Variants in EFHB observed in about 807,000 individuals in gnomAD.
EFHB encodes EF-hand domain-containing family member B.
In EFHB, 91 loss-of-function variants were observed where a neutral mutation model predicts 87.2. That is an observed-to-expected ratio of 1.04 (90% CI 0.88 to 1.24). The LOEUF is 1.24. EFHB is among the 50% of genes most tolerant of loss of function. The pLI, the probability that EFHB is intolerant of heterozygous loss-of-function variation, is 0.00. For synonymous variants in EFHB, 325 were observed against 333.6 expected (o/e 0.97, Z 0.28); for missense variants, 1,084 against 998.8 (o/e 1.09, Z -1.15).
chr3:19,939,368 TCC>T (rs1696096759), intron 1 of EFHB, among the ~76,000 whole-genome samples: 2 of 119,454 alleles, frequency 1.7e-5, no homozygotes, highest in African/African-American at 6.5e-5. Flanking sequence ...GGGTTGGGTC[TCC>T]TTTTTTTTTT....
At chr3:19,887,949 G>C (rs1694162697) in intron 10 of EFHB, among the ~76,000 whole-genome samples, 1 of 152,048 alleles carries the variant, frequency 6.6e-6, no homozygotes, top group African/African-American at 2.4e-5. Flanking sequence ...TAAGTTTTGT[G>C]CTTTTAATTT....
Position 19,946,719 on chromosome 3 carries a change from G to A in EFHB, c.-32+200C>T, listed in dbSNP as rs968304738. Among the ~76,000 whole-genome samples, 6 of 152,276 alleles carry A rather than the reference G, an allele frequency of 3.9e-5. No homozygotes were observed. In the South Asian group the frequency reaches 1.2e-3, roughly 32 times the overall value. On this transcript the variant is annotated intron_variant, in intron 1 of 14. Coordinates refer to the EFHB transcript ENST00000344838. ...AAGTTCCCTCTAATAAAGCCCCTTA[G>A]CCGAGATGCCAGGATTGGGGTTAGG...
chr3:19,888,525 T>C lies in EFHB; in HGVS notation c.1852A>G (p.Asn618Asp), dbSNP rs1415575237. 1 of 1,584,704 alleles carries C rather than the reference T, an allele frequency of 6.3e-7. No individual in the cohort carries two copies. Among genetic ancestry groups the C allele is most frequent in the South Asian group, 1.2e-5 (1 of 86,858 alleles). ...YCDVDNDGFI[N>D]YLEFANFLNW... ...AGAAAATTTGCGAATTCCAGATAGT[T>C]AATGAAGCCATCATTATCCACATCA... The change falls in exon 10 of 13, where the codon AAC becomes GAC. Residue 618 changes from asparagine (N) to aspartate (D), a missense_variant. Coordinates refer to ENST00000295824, the MANE Select transcript of EFHB (RefSeq NM_144715.4).
intron 1 of EFHB, among the ~76,000 whole-genome samples, chr3:19,942,656 C>A (rs1386047285): frequency 6.6e-6 from 1 of 152,160 alleles, no homozygotes; most frequent in Non-Finnish European, 1.5e-5. Context: ...ACTTGTTTTC[C>A]TGCCACTAGA....
At chr3:19,916,722 T>C (rs1695246815) in intron 4 of EFHB, among the ~76,000 whole-genome samples, 1 of 152,176 alleles carries the variant, frequency 6.6e-6, no homozygotes, top group Non-Finnish European at 1.5e-5. Context: ...TTTACTGTTT[T>C]AGATAATAAT....
At chr3:19,913,488 C>G (rs115655959) in intron 5 of EFHB, among the ~76,000 whole-genome samples, 13 of 152,056 alleles carry the variant, frequency 8.5e-5, no homozygotes, top group African/African-American at 3.1e-4. Flanking sequence ...TAGGAATTAA[C>G]TTAATCAAAG....
intron 4 of EFHB, among the ~76,000 whole-genome samples, chr3:19,916,658 C>A (rs541466991): frequency 1.3e-5 from 2 of 152,276 alleles, no homozygotes; most frequent in East Asian, 3.9e-4. Context: ...TGTTTAATAG[C>A]TGCATTCCCA....
At position 19,940,733 on chromosome 3, in the gene EFHB, A is replaced by G. The variant is rs9838931; in HGVS notation, c.-31-4399T>C. 3,163 of 337,188 alleles carry G rather than the reference A, an allele frequency of 9.4e-3. 88 individuals are homozygous for G. The highest frequency in any genetic ancestry group is 0.062 in the African/African-American group (2,863 of 46,226). 20.9% of individuals were successfully genotyped at this position (337,188 alleles called of 1,614,324 possible). On this transcript the variant is annotated intron_variant, in intron 1 of 14. Transcript: ENST00000344838. ...GCACAGCAGAGACACTGAAGATGCC[A>G]TTGGCATCAATATCAAATGTGACTT... is the stretch of plus-strand genomic sequence containing the variant.
At chr3:19,942,534 G>A (rs540526110) in intron 1 of EFHB, 1 of 152,120 alleles carries the variant, frequency 6.6e-6, no homozygotes, top group Admixed American at 6.6e-5. Context: ...GATAGTTTTA[G>A]GACAATTCAA....
chr3:19,893,199 C>T (rs1029746805), intron 9 of EFHB, among the ~76,000 whole-genome samples: 1 of 152,096 alleles, frequency 6.6e-6, no homozygotes, highest in Non-Finnish European at 1.5e-5. Context: ...GATTGGCCTC[C>T]CAAAGTGTTC....
intron 4 of EFHB, among the ~76,000 whole-genome samples, chr3:19,915,908 G>A (rs1369596543): frequency 6.6e-6 from 1 of 152,142 alleles, no homozygotes; most frequent in African/African-American, 2.4e-5. Flanking sequence ...AATCCGGGAG[G>A]TGGAGGTTGC....
chr3:19,902,367 T>C (rs1694701155), intron 6 of EFHB, among the ~76,000 whole-genome samples: 1 of 152,122 alleles, frequency 6.6e-6, no homozygotes, highest in Non-Finnish European at 1.5e-5. Context: ...TTTGTTTTTG[T>C]TTTTTGAGAC....
chr3:19,893,769 A>G (rs1694384431), intron 9 of EFHB, among the ~76,000 whole-genome samples: 2 of 152,198 alleles, frequency 1.3e-5, no homozygotes, highest in Admixed American at 6.5e-5. Flanking sequence ...ATTTGCAGTC[A>G]TTCCACAAGG....
intron 1 of EFHB, among the ~76,000 whole-genome samples, chr3:19,927,743 C>G (rs970955854): frequency 3.3e-5 from 5 of 152,096 alleles, no homozygotes; most frequent in African/African-American, 1.2e-4. Flanking sequence ...ATGCTTGACA[C>G]TGGGTTTCAA....
chr3:19,927,829 G>A (rs1269646733), intron 1 of EFHB, among the ~76,000 whole-genome samples: 2 of 152,004 alleles, frequency 1.3e-5, no homozygotes, highest in East Asian at 1.9e-4. Context: ...CCCCTGGTCA[G>A]GATGTTAGGG....
intron 10 of EFHB, among the ~76,000 whole-genome samples, chr3:19,885,279 G>A (rs1694061623): frequency 6.6e-6 from 1 of 151,474 alleles, no homozygotes; most frequent in Admixed American, 6.6e-5. Context: ...GTTTTTCCTA[G>A]CACTATGCAC....
chr3:19,902,844 T>C (rs1694718204), intron 6 of EFHB, among the ~76,000 whole-genome samples: 1 of 152,136 alleles, frequency 6.6e-6, no homozygotes, highest in African/African-American at 2.4e-5. Flanking sequence ...GAATAAAGAA[T>C]TTCTCTACTG....
At chr3:19,927,369 G>A (rs1695668317) in intron 1 of EFHB, among the ~76,000 whole-genome samples, 1 of 152,184 alleles carries the variant, frequency 6.6e-6, no homozygotes, top group Non-Finnish European at 1.5e-5. Flanking sequence ...CTTTTTGATT[G>A]TTTAAGAACA....
intron 1 of EFHB, among the ~76,000 whole-genome samples, chr3:19,922,062 A>C (rs552717726): frequency 6.6e-6 from 1 of 152,142 alleles, no homozygotes; most frequent in Non-Finnish European, 1.5e-5. Context: ...CTACTCGGGA[A>C]GCTGAGGCAG....
Sources: allele counts gnomAD v4.1 joint callset (sites outside exome capture counted in the v4.1 genomes callset), GRCh38; gene constraint gnomAD v4.1.1; transcripts MANE v1.5; gene names NCBI Gene and HGNC (gene_info 2026-07-23, HGNC 2026-07-21).